The following STK11 variants were observed in gnomAD, a reference collection of about 807,000 sequenced individuals.
STK11 encodes serine/threonine-protein kinase STK11.
In STK11, 8 loss-of-function variants were observed where a neutral mutation model predicts 47.3. The observed-to-expected ratio is 0.17, with a 90% CI of 0.10 to 0.31. The LOEUF is 0.31. Among genes scored for constraint, STK11 ranks in the 10% least tolerant of loss-of-function variants. The probability of loss-of-function intolerance (pLI) is 1.00; values close to 1 mark genes in which losing one functional copy is unlikely to be tolerated. For synonymous variants in STK11, 330 were observed against 255.8 expected (o/e 1.29, Z -2.77); for missense variants, 475 against 605.0 (o/e 0.79, Z 2.25).
intron 1 of STK11, among the ~76,000 whole-genome samples, chr19:1,209,071 C>T (rs926280822): frequency 2.6e-5 from 4 of 152,088 alleles, no homozygotes; most frequent in African/African-American, 9.7e-5. Flanking sequence ...TGTCTCAGTG[C>T]CCAGTCTGGA....
intron 7 of STK11, among the ~76,000 whole-genome samples, chr19:1,222,538 G>C (rs56119352): frequency 0.26 from 39,319 of 152,120 alleles, 5,317 homozygotes; most frequent in East Asian, 0.52. Flanking sequence ...GACCGGCTCT[G>C]GGAGTGGGAG....
chr19:1,210,632 G>A (rs2080703251), intron 1 of STK11, among the ~76,000 whole-genome samples: 3 of 152,268 alleles, frequency 2.0e-5, no homozygotes, highest in Non-Finnish European at 4.4e-5. Context: ...CACTTTGGGA[G>A]GCCAAGGCGG....
Position 1,226,903 on chromosome 19 carries a change from G to C in STK11, c.*16+240G>C, listed in dbSNP as rs2080827765. On this transcript the variant is annotated intron_variant, in intron 9 of 9. Coordinates refer to ENST00000326873, the MANE Select transcript of STK11 (RefSeq NM_000455.5). ...CTACGTGTGGCGGGGCTCTGGGGGG[G>C]CGTGCCGTCCTCACAGCCACCTCTC... 2.9e-5 allele frequency: 15 copies of C among 524,004 alleles called. 2 individuals carry two copies. In the South Asian group the frequency reaches 4.1e-4, roughly 14 times the overall value. The allele number at this position is 524,004 out of a possible 1,614,324, so 32.5% of individuals were successfully genotyped here. A position where few individuals can be genotyped will look rare whatever the true frequency, so the allele number is the denominator to read the frequency against.
intron 1 of STK11, among the ~76,000 whole-genome samples, chr19:1,217,283 A>G (rs1167997806): frequency 6.6e-6 from 1 of 152,062 alleles, no homozygotes; most frequent in African/African-American, 2.4e-5. Context: ...GCACGATCAC[A>G]GGTAACTACA....
chr19:1,212,371 C>G (rs2145413478), intron 1 of STK11, among the ~76,000 whole-genome samples: 1 of 146,678 alleles, frequency 6.8e-6, no homozygotes, highest in Admixed American at 7.1e-5. Context: ...GCTCAGGTGA[C>G]CCTCCTGCCC....
At position 1,226,478 on chromosome 19, in the gene STK11, G is replaced by C. The variant is rs1555740077; in HGVS notation, c.1133G>C (p.Ser378Thr). Reference protein sequence around the residue: ...VPGQVPEEEASHNGQRRGLPK... With the variant: ...VPGQVPEEEATHNGQRRGLPK... ...GGACAGGTCCCAGAAGAGGAGGCCA[G>C]TCACAATGGACAGCGCCGGGGCCTC... Residue 378 changes from serine (S) to threonine (T), a missense_variant, in exon 9 of 10, where the codon AGT (serine) becomes ACT (threonine). Ser to Thr is a moderately conservative substitution (Grantham distance 58). Coordinates refer to ENST00000326873, the MANE Select transcript of STK11 (RefSeq NM_000455.5). 1 of 1,611,476 alleles carries C rather than the reference G, an allele frequency of 6.2e-7. No homozygotes were observed. The highest frequency in any genetic ancestry group is 1.1e-5 in the South Asian group (1 of 90,878).
At chr19:1,218,248 C>T (rs547292293) in intron 1 of STK11, among the ~76,000 whole-genome samples, 169 bp from the exon 2 acceptor site, 10 of 152,236 alleles carry the variant, frequency 6.6e-5, no homozygotes, top group Non-Finnish European at 1.0e-4. Context: ...AGCCTGGACG[C>T]GTGGCCCCTG....
chr19:1,215,041 G>A (rs776026302), intron 1 of STK11, among the ~76,000 whole-genome samples: 1 of 152,206 alleles, frequency 6.6e-6, no homozygotes, highest in Non-Finnish European at 1.5e-5. Context: ...CTTCATCAGC[G>A]GGGGAGGTTA....
At chr19:1,225,783 C>T (rs1420836994) in intron 8 of STK11, 6 of 985,452 alleles carry the variant, frequency 6.1e-6, no homozygotes, top group Admixed American at 6.1e-5. Context: ...GCGGAGTCCT[C>T]GCCAACCACC....
intron 8 of STK11, chr19:1,226,103 G>A (rs1395992843): frequency 2.7e-6 from 3 of 1,108,608 alleles, no homozygotes; most frequent in Admixed American, 4.9e-5. Flanking sequence ...ATGGGCCAGG[G>A]TGCCCCAGGG....
chr19:1,227,780 CGGCA>C lies in STK11; in HGVS notation c.*206_*209del, dbSNP rs2080836773. On this transcript the variant is annotated 3_prime_UTR_variant, in exon 10 of 10. Coordinates refer to ENST00000326873, the MANE Select transcript of STK11 (RefSeq NM_000455.5). ...GCGCAGCCCTCCCCCCTCGGCCGCC[CGGCA>C]GTGCACGCGGCTTGTTGACTTCGCA... The C allele has an allele frequency of 1.9e-6, 2 of 1,074,052 alleles. No individual in the cohort carries two copies. Among genetic ancestry groups the C allele is most frequent in the African/African-American group, 3.3e-5 (2 of 61,106 alleles). The allele number at this position is 1,074,052 out of a possible 1,614,324, so 66.5% of individuals were successfully genotyped here. A position where few individuals can be genotyped will look rare whatever the true frequency, so the allele number is the denominator to read the frequency against.
chr19:1,221,225 C>G lies in STK11; in HGVS notation c.747C>G (p.Thr249=), dbSNP rs759546076. 1 of 1,612,410 alleles carries G rather than the reference C, an allele frequency of 6.2e-7. No individual in the cohort carries two copies. The highest frequency in any genetic ancestry group is 8.5e-7 in the Non-Finnish European group (1 of 1,179,516). ...WSAGVTLYNI[T]TGLYPFEGDN... Reference sequence around the variant, plus strand: ...CCTCGAAATGAAGCTACAACATCACCACGGGTCTGTACCCCTTCGAAGGGG... The same window carrying G: ...CCTCGAAATGAAGCTACAACATCACGACGGGTCTGTACCCCTTCGAAGGGG... Residue 249 remains threonine (T), a synonymous_variant, in exon 6 of 10, where the codon ACC becomes ACG. Coordinates refer to ENST00000326873, the MANE Select transcript of STK11 (RefSeq NM_000455.5).
chr19:1,220,823 G>C (rs1348154504), intron 5 of STK11, 106 bp downstream of exon 5: 1 of 1,478,814 alleles, frequency 6.8e-7, no homozygotes, highest in Non-Finnish European at 9.1e-7. Flanking sequence ...CACCGGCCCA[G>C]ACCCTCTCTG....
intron 1 of STK11, among the ~76,000 whole-genome samples, chr19:1,208,784 A>AT (rs138858798): frequency 0.46 from 56,242 of 121,634 alleles, 13,550 homozygotes; most frequent in East Asian, 0.85. Context: ...TGCCCAGCTA[A>AT]TTTTTTTTTT....
At chr19:1,223,642 C>T (rs963619269) in intron 8 of STK11, 15 of 1,064,720 alleles carry the variant, frequency 1.4e-5, no homozygotes, top group East Asian at 5.4e-5. Flanking sequence ...CCCTAGGTGG[C>T]GAGGAGGCGT....
chr19:1,220,093 G>A (rs1449340438), intron 3 of STK11: 6 of 432,410 alleles, frequency 1.4e-5, no homozygotes, highest in South Asian at 1.4e-4. Context: ...TGCTGTTCCA[G>A]CAAGACTTTG....
Position 1,227,883 on chromosome 19 carries a change from T to G in STK11, c.*307T>G, listed in dbSNP as rs891528351. ...TCCATGCACTTTATGTGGAGACTAC[T>G]GGCCCCGCCCGTGGCCTCGTGCTCC... On this transcript the variant is annotated 3_prime_UTR_variant, in exon 10 of 10. Coordinates refer to ENST00000326873, the MANE Select transcript of STK11 (RefSeq NM_000455.5). 4.6e-5 allele frequency: 49 copies of G among 1,069,172 alleles called. No individual in the cohort carries two copies. In the African/African-American group the frequency reaches 7.7e-4, roughly 17 times the overall value. The allele number at this position is 1,069,172 out of a possible 1,614,324, so 66.2% of individuals were successfully genotyped here.
chr19:1,226,126 G>C, intron 8 of STK11: 1 of 1,183,354 alleles, frequency 8.5e-7, no homozygotes, highest in Non-Finnish European at 1.1e-6. Context: ...GCACGGGAGG[G>C]TCCTGCCTTG....
Position 1,226,518 on chromosome 19 carries a change from TATG to T in STK11, c.1175_1177del (p.Met392del). The T allele has an allele frequency of 6.2e-7, 1 of 1,610,182 alleles. No homozygotes were observed. The highest frequency in any genetic ancestry group is 8.5e-7 in the Non-Finnish European group (1 of 1,178,916). ...GCCGGGGCCTCCCCAAGGCCGTGTG[TATG>T]AACGGCACAGAGGCGGCGCAGCTGA... On this transcript the variant is annotated inframe_deletion, in exon 9 of 10. Transcript: ENST00000326873.
Sources: gnomAD v4.1 joint callset for allele counts (sites outside exome capture counted in the v4.1 genomes callset) on GRCh38, gnomAD v4.1.1 for gene constraint, MANE v1.5 for transcripts, NCBI Gene and HGNC (gene_info 2026-07-23, HGNC 2026-07-21) for gene names.